The following TAMM41 variants were observed in gnomAD, a reference collection of about 807,000 sequenced individuals.
The protein encoded by TAMM41 is phosphatidate cytidylyltransferase, mitochondrial.
A neutral mutation model predicts 44.1 loss-of-function variants in TAMM41; 36 were observed. The ratio of observed to expected loss-of-function variants is 0.82; its 90% CI spans 0.63 to 1.08. The LOEUF is 1.08. Ranked by LOEUF, TAMM41 falls within the 50% of genes least tolerant of loss-of-function variation. The pLI is 0.00. For missense variants in TAMM41, 417 were observed against 404.3 expected (o/e 1.03, Z -0.27); for synonymous variants, 164 against 153.1 (o/e 1.07, Z -0.53).
intron 7 of TAMM41, chr3:11,807,230 A>G: frequency 2.1e-6 from 3 of 1,431,822 alleles, no homozygotes; most frequent in Non-Finnish European, 2.7e-6. Context: ...GTGGCTCACC[A>G]TACCATCAAA....
At chr3:11,750,441 A>C in the TAMM41 span, among the ~76,000 whole-genome samples, 30 of 151,200 alleles carry the variant, frequency 2.0e-4, no homozygotes, top group Admixed American at 1.6e-3. Context: ...CTTGAGTAGC[A>C]GGGACTACAG....
At chr3:11,785,117 C>T in the TAMM41 span, among the ~76,000 whole-genome samples, 472 of 152,218 alleles carry the variant, frequency 3.1e-3, 5 homozygotes, top group Non-Finnish European at 5.7e-3. Flanking sequence ...CTGGTGAGCT[C>T]GGCCATTCCT....
intron 7 of TAMM41, among the ~76,000 whole-genome samples, chr3:11,790,784 C>T (rs1026682164): frequency 2.0e-5 from 3 of 152,162 alleles, no homozygotes; most frequent in African/African-American, 7.2e-5. Context: ...CGGCATTTTC[C>T]GATTTAGGGC....
At chr3:11,844,522 A>T (rs888599577) in intron 1 of TAMM41, among the ~76,000 whole-genome samples, 1 of 152,210 alleles carries the variant, frequency 6.6e-6, no homozygotes, top group Non-Finnish European at 1.5e-5. Flanking sequence ...TCTCAATTTT[A>T]TAAGAAACCA....
At chr3:11,773,550 A>AT in the TAMM41 span, among the ~76,000 whole-genome samples, 1 of 152,020 alleles carries the variant, frequency 6.6e-6, no homozygotes, top group Admixed American at 6.6e-5. Flanking sequence ...TTTGACTACC[A>AT]TCAAGTACTA....
the TAMM41 span, among the ~76,000 whole-genome samples, chr3:11,725,730 A>G: frequency 6.6e-6 from 1 of 152,084 alleles, no homozygotes; most frequent in Non-Finnish European, 1.5e-5. Flanking sequence ...GTAAGCCACC[A>G]TGCCCAGCCT....
the TAMM41 span, among the ~76,000 whole-genome samples, chr3:11,743,783 G>A: frequency 4.6e-5 from 7 of 152,136 alleles, no homozygotes; most frequent in Admixed American, 4.6e-4. Context: ...AGCGCTTTCA[G>A]TTTCCCGGAG....
chr3:11,769,243 C>A, the TAMM41 span, among the ~76,000 whole-genome samples: 1 of 152,168 alleles, frequency 6.6e-6, no homozygotes, highest in Non-Finnish European at 1.5e-5. Flanking sequence ...GTGTGTGCCA[C>A]CACGCACAGC....
chr3:11,781,327 G>A, the TAMM41 span, among the ~76,000 whole-genome samples: 12 of 152,138 alleles, frequency 7.9e-5, no homozygotes, highest in African/African-American at 1.9e-4. Context: ...GGGCTCAGAC[G>A]TTTTGTTCTT....
At chr3:11,813,511 CAAAG>C (rs1430988908) in intron 5 of TAMM41, among the ~76,000 whole-genome samples, 1 of 152,040 alleles carries the variant, frequency 6.6e-6, no homozygotes, top group Non-Finnish European at 1.5e-5. Flanking sequence ...GCCTGGGCAA[CAAAG>C]AAAGACTCCA....
chr3:11,731,714 A>G, the TAMM41 span, among the ~76,000 whole-genome samples: 1 of 152,248 alleles, frequency 6.6e-6, no homozygotes, highest in East Asian at 1.9e-4. Context: ...CTGATGCCCC[A>G]TGGCAGTGGA....
intron 3 of TAMM41, among the ~76,000 whole-genome samples, chr3:11,835,577 G>A (rs1054606023): frequency 6.6e-6 from 1 of 152,140 alleles, no homozygotes; most frequent in African/African-American, 2.4e-5. Flanking sequence ...GATAAAACCT[G>A]AGCTCATTTC....
At chr3:11,792,993 G>A (rs1042907047) in intron 7 of TAMM41, among the ~76,000 whole-genome samples, 3 of 149,698 alleles carry the variant, frequency 2.0e-5, no homozygotes, top group African/African-American at 5.0e-5. Context: ...CCCGGGAAGC[G>A]GAGGTTGCAA....
chr3:11,805,714 G>A (rs1194432064), intron 7 of TAMM41, among the ~76,000 whole-genome samples: 1 of 152,224 alleles, frequency 6.6e-6, no homozygotes, highest in Non-Finnish European at 1.5e-5. Context: ...CCAGGGATTA[G>A]AATTAGGTTG....
At chr3:11,737,064 C>T in the TAMM41 span, among the ~76,000 whole-genome samples, 1 of 151,988 alleles carries the variant, frequency 6.6e-6, no homozygotes, top group South Asian at 2.1e-4. Context: ...CCCTGGCCAC[C>T]TTCTCTAGCT....
the TAMM41 span, among the ~76,000 whole-genome samples, chr3:11,774,228 T>C: frequency 2.0e-5 from 3 of 152,244 alleles, no homozygotes; most frequent in African/African-American, 7.2e-5. Flanking sequence ...ACGCACACTT[T>C]GTGCACAGGA....
the TAMM41 span, among the ~76,000 whole-genome samples, chr3:11,722,835 G>A: frequency 6.6e-6 from 1 of 152,342 alleles, no homozygotes; most frequent in African/African-American, 2.4e-5. Context: ...CAGATGTGGT[G>A]GCACGCTGCT....
chr3:11,830,840 C>T (rs1322751804), intron 3 of TAMM41: 1 of 149,224 alleles, frequency 6.7e-6, no homozygotes, highest in African/African-American at 2.5e-5. Context: ...ATGATCATGA[C>T]ACTACACTCC....
chr3:11,797,160 A>G (rs1272183026), intron 7 of TAMM41, among the ~76,000 whole-genome samples: 1 of 152,248 alleles, frequency 6.6e-6, no homozygotes, highest in Non-Finnish European at 1.5e-5. Context: ...TAAAATTCAT[A>G]TGGAACCAAA....
Sources: allele counts gnomAD v4.1 joint callset (sites outside exome capture counted in the v4.1 genomes callset), GRCh38; gene constraint gnomAD v4.1.1; transcripts MANE v1.5; gene names NCBI Gene and HGNC (gene_info 2026-07-23, HGNC 2026-07-21).